COLGALT2: variants seen among roughly 807,000 people sequenced by gnomAD.
COLGALT2 encodes the protein collagen beta(1-O)galactosyltransferase 2, also known as procollagen galactosyltransferase 2.
In COLGALT2, 49 loss-of-function variants were observed where a neutral mutation model predicts 73.4. The ratio of observed to expected loss-of-function variants is 0.67; its 90% CI spans 0.53 to 0.85. The LOEUF is 0.85. COLGALT2 is among the 40% of genes least tolerant of loss of function. COLGALT2 has a pLI of 0.00. For synonymous variants in COLGALT2, 295 were observed against 307.6 expected, an observed-to-expected ratio of 0.96 and a Z score of 0.43; for missense variants, 722 against 790.2, an observed-to-expected ratio of 0.91 and a Z score of 1.03.
intron 1 of COLGALT2, among the ~76,000 whole-genome samples, chr1:184,027,333 C>T (rs1029684832): frequency 2.0e-5 from 3 of 152,132 alleles, no homozygotes; most frequent in Non-Finnish European, 4.4e-5. Context: ...TTCTGCAGTT[C>T]CCAAACCAAG....
chr1:183,959,797 G>A (rs1259085475), intron 6 of COLGALT2, among the ~76,000 whole-genome samples: 2 of 151,990 alleles, frequency 1.3e-5, no homozygotes, highest in South Asian at 2.1e-4. Flanking sequence ...CAGAATGTTC[G>A]GTGTGATCTG....
chr1:183,934,918 T>TGAGACAGCCCTGAGAAG (rs1301022812), downstream of COLGALT2, among the ~76,000 whole-genome samples: 1 of 152,192 alleles, frequency 6.6e-6, no homozygotes, highest in East Asian at 1.9e-4. Context: ...GTGCTTATGA[T>TGAGACAGCCCTGAGAAG]GAGACAGCCC....
intron 1 of COLGALT2, among the ~76,000 whole-genome samples, chr1:184,002,047 A>T (rs965045796): frequency 3.3e-5 from 5 of 152,144 alleles, no homozygotes; most frequent in African/African-American, 9.7e-5. Flanking sequence ...TCTTCCTCAC[A>T]CCATTTTGAA....
rs1253535210 is a variant in COLGALT2, at chr1:183,936,942, C to T, written c.*1819G>A. The T allele has an allele frequency of 5.7e-6, 7 of 1,231,684 alleles. No individual in the cohort carries two copies. Among genetic ancestry groups the T allele is most frequent in the Admixed American group, 4.2e-5 (1 of 23,710 alleles). The allele number at this position is 1,231,684 out of a possible 1,614,324, so 76.3% of individuals were successfully genotyped here. A position where few individuals can be genotyped will look rare whatever the true frequency, so the allele number is the denominator to read the frequency against. ...CTTGTCCTAAAGTGGGGACCCGCCCCTCACCTGGGGAGATGAGGCTGCCTT... is the reference window on the plus strand; with the variant it reads ...CTTGTCCTAAAGTGGGGACCCGCCCTTCACCTGGGGAGATGAGGCTGCCTT... On this transcript the variant is annotated 3_prime_UTR_variant, in exon 12 of 12. Coordinates refer to ENST00000361927, the MANE Select transcript of COLGALT2 (RefSeq NM_015101.4).
chr1:184,029,118 C>A (rs1305880474), intron 1 of COLGALT2, among the ~76,000 whole-genome samples: 2 of 152,214 alleles, frequency 1.3e-5, no homozygotes, highest in African/African-American at 2.4e-5. Flanking sequence ...TTGGCTAATG[C>A]CACCTACCAC....
intron 1 of COLGALT2, among the ~76,000 whole-genome samples, chr1:184,006,693 A>C (rs1471911065): frequency 6.6e-6 from 1 of 152,186 alleles, no homozygotes; most frequent in Non-Finnish European, 1.5e-5. Flanking sequence ...TACCCTTCAG[A>C]AAAGTAATAA....
At chr1:184,011,315 G>A (rs1196525154) in intron 1 of COLGALT2, among the ~76,000 whole-genome samples, 2 of 152,164 alleles carry the variant, frequency 1.3e-5, no homozygotes, top group Non-Finnish European at 2.9e-5. Context: ...GACCAGTAAA[G>A]CTTTCATTTC....
chr1:183,945,362 A>G (rs1670220085), intron 9 of COLGALT2, 70 bp downstream of exon 9: 1 of 1,555,088 alleles, frequency 6.4e-7, no homozygotes, highest in Non-Finnish European at 8.7e-7. Flanking sequence ...TCTGGCCCTA[A>G]CTCACCTACG....
intron 1 of COLGALT2, among the ~76,000 whole-genome samples, chr1:184,006,051 C>T (rs1672065798): frequency 1.3e-5 from 2 of 152,078 alleles, no homozygotes; most frequent in Admixed American, 1.3e-4. Flanking sequence ...TTTCTCTCTC[C>T]CTTCTAGTAT....
intron 1 of COLGALT2, among the ~76,000 whole-genome samples, chr1:184,024,761 G>C (rs1383240917): frequency 6.6e-6 from 1 of 150,388 alleles, no homozygotes; most frequent in Non-Finnish European, 1.5e-5. Context: ...AGGGTTTGTT[G>C]GATGATTGGA....
chr1:183,930,671 T>G (rs1390323046), intron 11 of COLGALT2, among the ~76,000 whole-genome samples: 1 of 151,406 alleles, frequency 6.6e-6, no homozygotes, highest in Non-Finnish European at 1.5e-5. Flanking sequence ...CTGCCTGCCT[T>G]GGCCTCCCAA....
rs189874182 is a variant in COLGALT2 at position 183,938,321 on chromosome 1, A to T, written c.*440T>A. On this transcript the variant is annotated 3_prime_UTR_variant, in exon 12 of 12. Coordinates refer to ENST00000361927, the MANE Select transcript of COLGALT2 (RefSeq NM_015101.4). The stretch of plus-strand genomic sequence containing the variant: ...CAAAAGTTGCACACACAAGTTTTCA[A>T]TGTCATATAAAACGGACAAACTAGA... 2 of 991,868 alleles carry T rather than the reference A, an allele frequency of 2.0e-6. No individual in the cohort carries two copies. Among genetic ancestry groups the T allele is most frequent in the Non-Finnish European group, 2.4e-6 (2 of 833,788 alleles). 61.4% of individuals were successfully genotyped at this position (991,868 alleles called of 1,614,324 possible).
At chr1:183,999,699 A>G (rs1300636254) in intron 1 of COLGALT2, among the ~76,000 whole-genome samples, 1 of 152,086 alleles carries the variant, frequency 6.6e-6, no homozygotes, top group East Asian at 1.9e-4. Flanking sequence ...TTCTCTCAGA[A>G]TTTTAAATAT....
intron 6 of COLGALT2, among the ~76,000 whole-genome samples, chr1:183,956,766 T>C (rs1670566035): frequency 6.6e-6 from 1 of 152,094 alleles, no homozygotes; most frequent in South Asian, 2.1e-4. Context: ...AGTGGTTGGC[T>C]CCCGAAAGTC....
chr1:183,952,909 T>A (rs986436852), intron 7 of COLGALT2, among the ~76,000 whole-genome samples: 16 of 152,272 alleles, frequency 1.1e-4, no homozygotes, highest in African/African-American at 3.8e-4. Flanking sequence ...TCATGCCTCA[T>A]CCCCTAATTT....
chr1:184,009,399 C>T (rs1460973736), intron 1 of COLGALT2, among the ~76,000 whole-genome samples: 2 of 152,224 alleles, frequency 1.3e-5, no homozygotes, highest in Non-Finnish European at 1.5e-5. Context: ...TTAATAGATG[C>T]ATGATTCTTA....
At chr1:183,962,153 TC>T (rs953806491) in intron 6 of COLGALT2, among the ~76,000 whole-genome samples, 8 of 126,880 alleles carry the variant, frequency 6.3e-5, no homozygotes, top group African/African-American at 2.3e-4. Context: ...TTTTTCTCTT[TC>T]TTTTTTTTTT....
At chr1:183,978,065 A>G (rs1310021177) in intron 2 of COLGALT2, among the ~76,000 whole-genome samples, 1 of 152,186 alleles carries the variant, frequency 6.6e-6, no homozygotes, top group Non-Finnish European at 1.5e-5. Flanking sequence ...GAAAAAAGCA[A>G]GCTCTATGTA....
At chr1:184,003,144 T>C (rs1244438889) in intron 1 of COLGALT2, among the ~76,000 whole-genome samples, 1 of 152,156 alleles carries the variant, frequency 6.6e-6, no homozygotes, top group Admixed American at 6.5e-5. Flanking sequence ...TATTGAACTT[T>C]CCAAATACAA....
Sources: allele counts gnomAD v4.1 joint callset (sites outside exome capture counted in the v4.1 genomes callset), GRCh38; gene constraint gnomAD v4.1.1; transcripts MANE v1.5; gene names NCBI Gene and HGNC (gene_info 2026-07-23, HGNC 2026-07-21).